The following TUBA4B variants were observed in gnomAD, a reference collection of about 807,000 sequenced individuals.
The protein encoded by TUBA4B is tubulin-like protein alpha-4B.
TUBA4B carries 13 observed loss-of-function variants against 18.4 expected under a neutral mutation model. The ratio of observed to expected loss-of-function variants is 0.71; its 90% confidence interval spans 0.46 to 1.12. The LOEUF is 1.12. Among genes scored for constraint, TUBA4B ranks in the 50% most tolerant of loss-of-function variants. TUBA4B has a pLI of 0.00. For missense variants in TUBA4B, 244 were observed against 250.0 expected, an observed-to-expected ratio of 0.98 and a Z score of 0.16; for synonymous variants, 101 against 99.1, an observed-to-expected ratio of 1.02 and a Z score of -0.11.
chr2:219,259,476 G>A (rs1017705833), intron 1 of TUBA4B, among the ~76,000 whole-genome samples: 1 of 152,084 alleles, frequency 6.6e-6, no homozygotes, highest in African/African-American at 2.4e-5. Context: ...TGAGTATGCA[G>A]GTAATGGTCC....
chr2:219,256,311 G>A (rs1370893464), intron 1 of TUBA4B, among the ~76,000 whole-genome samples: 1 of 152,164 alleles, frequency 6.6e-6, no homozygotes, highest in Admixed American at 6.5e-5. Context: ...AGTGCATATA[G>A]CACATCATGC....
intron 1 of TUBA4B, among the ~76,000 whole-genome samples, chr2:219,261,028 T>C (rs920760187): frequency 6.6e-6 from 1 of 152,132 alleles, no homozygotes; most frequent in Admixed American, 6.6e-5. Flanking sequence ...CTTTCCTCTC[T>C]CTCTCTCTCT....
intron 2 of TUBA4B, among the ~76,000 whole-genome samples, chr2:219,268,105 C>CTTTTTT (rs544596055): frequency 9.3e-5 from 11 of 118,718 alleles, no homozygotes; most frequent in African/African-American, 2.0e-4. Flanking sequence ...AACTCATTAT[C>CTTTTTT]TTTTTTTTTT....
intron 1 of TUBA4B, 63 bp downstream of exon 1, chr2:219,253,482 G>A: frequency 7.6e-7 from 1 of 1,316,558 alleles, no homozygotes; most frequent in Non-Finnish European, 1.1e-6. Flanking sequence ...GAGGACCAGG[G>A]ACTGGGGATG....
At chr2:219,262,676 T>TA (rs962027694) in intron 1 of TUBA4B, among the ~76,000 whole-genome samples, 4 of 151,678 alleles carry the variant, frequency 2.6e-5, no homozygotes, top group Non-Finnish European at 2.9e-5. Flanking sequence ...CCCAGCTAAT[T>TA]AAAAAAAAAT....
At chr2:219,260,469 A>G (rs565346724) in intron 1 of TUBA4B, among the ~76,000 whole-genome samples, 2 of 152,310 alleles carry the variant, frequency 1.3e-5, no homozygotes, top group South Asian at 2.1e-4. Context: ...ACTCAAATTT[A>G]TATCTCCATT....
chr2:219,268,580 G>A (rs1034842708), intron 2 of TUBA4B, among the ~76,000 whole-genome samples: 1 of 152,136 alleles, frequency 6.6e-6, no homozygotes, highest in African/African-American at 2.4e-5. Context: ...CATTTCAAAA[G>A]GAGAACATTG....
intron 1 of TUBA4B, among the ~76,000 whole-genome samples, chr2:219,262,232 A>G (rs1951763972): frequency 2.0e-5 from 3 of 152,180 alleles, no homozygotes; most frequent in Admixed American, 1.3e-4. Context: ...AATGGCGTGA[A>G]CCCAGGAGGC....
chr2:219,258,246 C>T (rs1269338235), intron 1 of TUBA4B, among the ~76,000 whole-genome samples: 1 of 152,068 alleles, frequency 6.6e-6, no homozygotes, highest in Non-Finnish European at 1.5e-5. Context: ...CTGCCTTGGC[C>T]TCTCAAAGTG....
At chr2:219,253,691 G>A (rs113904016) in intron 1 of TUBA4B, among the ~76,000 whole-genome samples, 7 of 152,194 alleles carry the variant, frequency 4.6e-5, no homozygotes, top group Non-Finnish European at 1.0e-4. Flanking sequence ...ATACGGCTCG[G>A]CCAAAGTCAC....
intron 1 of TUBA4B, among the ~76,000 whole-genome samples, chr2:219,257,042 G>C (rs867623777): frequency 0.014 from 451 of 32,680 alleles, 3 homozygotes; most frequent in African/African-American, 0.035. Flanking sequence ...ACCCATTTTG[G>C]CTTTTTTTTT....
chr2:219,253,944 T>A, intron 1 of TUBA4B: 4 of 987,518 alleles, frequency 4.1e-6, no homozygotes, highest in Non-Finnish European at 5.4e-6. Context: ...GCACCGCCCT[T>A]ATAGGCGGGG....
intron 1 of TUBA4B, among the ~76,000 whole-genome samples, chr2:219,260,924 G>T (rs558660485): frequency 1.3e-5 from 2 of 152,012 alleles, no homozygotes; most frequent in African/African-American, 4.8e-5. Flanking sequence ...AGCCAAGATC[G>T]CACCATCGCA....
chr2:219,259,401 T>G (rs1046520215), intron 1 of TUBA4B, among the ~76,000 whole-genome samples: 1 of 143,798 alleles, frequency 7.0e-6, no homozygotes, highest in Admixed American at 6.7e-5. Flanking sequence ...GTGTGTGTGT[T>G]TGTGTGTGTG....
At chr2:219,256,787 A>C (rs778178705) in intron 1 of TUBA4B, among the ~76,000 whole-genome samples, 23 of 152,162 alleles carry the variant, frequency 1.5e-4, no homozygotes, top group Admixed American at 6.6e-4. Context: ...CGGCAGTTTG[A>C]GACCAGCTTG....
At position 219,271,415 on chromosome 2, in the gene TUBA4B, A is replaced by G. The variant is rs746356843; in HGVS notation, c.442A>G (p.Ile148Val). The part of the protein sequence containing the change: ...DCAFMVDNKA[I>V]YDICHCNLDI... ...TGCCTTCATGGTGGACAACAAAGCA[A>G]TCTATGACATCTGCCACTGCAACCT... is the stretch of plus-strand genomic sequence containing the variant. The change falls in exon 4 of 4, where the codon ATC (isoleucine) becomes GTC (valine). Residue 148 changes from isoleucine (I) to valine (V), a missense_variant. Ile to Val is a conservative substitution (Grantham distance 29, BLOSUM62 3). Coordinates refer to ENST00000490341, the MANE Select transcript of TUBA4B (RefSeq NM_001355221.1). 10 of 1,613,996 alleles carry G rather than the reference A, an allele frequency of 6.2e-6. No homozygotes were observed. The South Asian group carries it at 1.1e-4, about 18-fold the overall frequency.
intron 1 of TUBA4B, among the ~76,000 whole-genome samples, chr2:219,261,231 G>C (rs1378950002): frequency 6.6e-6 from 1 of 152,098 alleles, no homozygotes; most frequent in Admixed American, 6.6e-5. Flanking sequence ...CTCAAAGAGC[G>C]GGTGACATCT....
intron 1 of TUBA4B, chr2:219,253,955 G>C (rs1048330997): frequency 3.4e-6 from 4 of 1,181,590 alleles, no homozygotes; most frequent in East Asian, 6.3e-5. Context: ...ATAGGCGGGG[G>C]GGGGGCGGGG....
intron 1 of TUBA4B, among the ~76,000 whole-genome samples, chr2:219,262,947 A>AG (rs1337209365): frequency 6.6e-6 from 1 of 152,116 alleles, no homozygotes; most frequent in African/African-American, 2.4e-5. Flanking sequence ...AGGCTGAGAC[A>AG]GGAGAATTGC....
Sources: allele counts gnomAD v4.1 joint callset (sites outside exome capture counted in the v4.1 genomes callset), GRCh38; gene constraint gnomAD v4.1.1; transcripts MANE v1.5; gene names NCBI Gene and HGNC (gene_info 2026-07-23, HGNC 2026-07-21).